The following ARSK variants were observed in gnomAD, a reference collection of about 807,000 sequenced individuals.
The protein encoded by ARSK is arylsulfatase family member K, also known as arylsulfatase K.
A neutral mutation model predicts 53.2 loss-of-function variants in ARSK; 37 were observed. The observed-to-expected ratio is 0.70, with a 90% CI of 0.54 to 0.92. The LOEUF is 0.92. Ranked by LOEUF, ARSK falls within the 40% of genes least tolerant of loss-of-function variation. The probability of loss-of-function intolerance (pLI) is 0.00; values close to 1 mark genes in which losing one functional copy is unlikely to be tolerated. For synonymous variants in ARSK, 208 were observed against 223.2 expected, an observed-to-expected ratio of 0.93 and a Z score of 0.61; for missense variants, 613 against 643.0, an observed-to-expected ratio of 0.95 and a Z score of 0.51.
intron 4 of ARSK, among the ~76,000 whole-genome samples, chr5:95,584,882 T>G (rs1208301978): frequency 6.6e-6 from 1 of 152,050 alleles, no homozygotes; most frequent in African/African-American, 2.4e-5. Context: ...TGGTGGTGTG[T>G]ACCTGTAATC....
chr5:95,570,991 C>T (rs551097684), intron 3 of ARSK, among the ~76,000 whole-genome samples: 2 of 152,308 alleles, frequency 1.3e-5, no homozygotes, highest in African/African-American at 4.8e-5. Flanking sequence ...CCATGTTGGT[C>T]AGGCTGTTCT....
In ARSK at chr5:95,599,278, G is replaced by C. The variant is rs138181588; in HGVS notation, c.1097-1569G>C. 8.5e-5 allele frequency among the ~76,000 whole-genome samples: 13 copies of C among 152,312 alleles called. 1 individual carries two copies. Among genetic ancestry groups the C allele is most frequent in the African/African-American group, 2.9e-4 (12 of 41,570 alleles). On this transcript the variant is annotated intron_variant, in intron 6 of 7. Coordinates refer to ENST00000380009, the MANE Select transcript of ARSK (RefSeq NM_198150.3). ...AAGCTTCCTTAGGAAAATTAAGAAT[G>C]GTTCTAAAATAAGGCATTTCTAAGT...
intron 4 of ARSK, among the ~76,000 whole-genome samples, chr5:95,585,796 CA>C (rs1191184495): frequency 1.3e-5 from 2 of 151,992 alleles, no homozygotes; most frequent in Non-Finnish European, 2.9e-5. Flanking sequence ...GCCTGTTCCC[CA>C]AAAACCTGTG....
At chr5:95,560,151 A>T (rs1369375129) in intron 1 of ARSK, among the ~76,000 whole-genome samples, 2 of 152,212 alleles carry the variant, frequency 1.3e-5, no homozygotes, top group Non-Finnish European at 2.9e-5. Flanking sequence ...TACTCCGAAA[A>T]CTACAAAACA....
At chr5:95,565,434 T>C (rs1267301478) in intron 1 of ARSK, among the ~76,000 whole-genome samples, 1 of 152,220 alleles carries the variant, frequency 6.6e-6, no homozygotes, top group African/African-American at 2.4e-5. Context: ...TCTCAAACTT[T>C]GTATGTCCTT....
At chr5:95,556,126 T>A (rs537288583) in intron 1 of ARSK, 8 of 693,424 alleles carry the variant, frequency 1.2e-5, no homozygotes, top group Non-Finnish European at 1.6e-5. Flanking sequence ...TCGGTGTTAC[T>A]GTGGTCACAC....
chr5:95,578,969 G>GT (rs1748975465), intron 3 of ARSK, among the ~76,000 whole-genome samples: 1 of 152,168 alleles, frequency 6.6e-6, no homozygotes, highest in South Asian at 2.1e-4. Flanking sequence ...TTAGTGAGGA[G>GT]TTTTTTGTTG....
chr5:95,596,557 T>A (rs192835542), intron 6 of ARSK, among the ~76,000 whole-genome samples: 42 of 152,194 alleles, frequency 2.8e-4, no homozygotes, highest in Middle Eastern at 3.4e-3. Flanking sequence ...GAAATTAAAA[T>A]CCTGAAATGT....
intron 4 of ARSK, among the ~76,000 whole-genome samples, chr5:95,585,572 A>G (rs1749098856): frequency 1.3e-5 from 2 of 152,214 alleles, no homozygotes; most frequent in African/African-American, 4.8e-5. Context: ...ATGGAAAACC[A>G]AACATCATAT....
rs145233404 is a variant in ARSK at position 95,603,385 on chromosome 5, G to T, written c.1470G>T (p.Lys490Asn). The change falls in exon 8 of 8, where the codon AAG (lysine) becomes AAT (asparagine). Residue 490 changes from lysine (K) to asparagine (N), a missense_variant. Lys to Asn is a moderately conservative substitution (Grantham distance 94, BLOSUM62 0). Coordinates refer to ENST00000380009, the MANE Select transcript of ARSK (RefSeq NM_198150.3). Reference protein sequence around the residue: ...VHQYNKEQFIKWKQSIGQNYS... With the variant: ...VHQYNKEQFINWKQSIGQNYS... ...AGTATAATAAAGAGCAGTTTATCAA[G>T]TGGAAACAAAGTATAGGACAGAATT... 5.3e-5 allele frequency: 86 copies of T among 1,613,670 alleles called. No individual in the cohort carries two copies. The African/African-American group carries it at 9.2e-4, about 17-fold the overall frequency.
intron 3 of ARSK, among the ~76,000 whole-genome samples, chr5:95,574,987 T>G (rs773499885): frequency 5.9e-5 from 9 of 152,208 alleles, no homozygotes; most frequent in Non-Finnish European, 1.2e-4. Context: ...GGTCTCAGAT[T>G]TAAGTCTTTA....
At chr5:95,583,928 T>C (rs1210582041) in intron 4 of ARSK, among the ~76,000 whole-genome samples, 1 of 152,216 alleles carries the variant, frequency 6.6e-6, no homozygotes, top group Non-Finnish European at 1.5e-5. Flanking sequence ...CTGTGGGACA[T>C]CTTTATCCTT....
At chr5:95,590,708 C>G (rs1749197826) in intron 5 of ARSK, among the ~76,000 whole-genome samples, 1 of 152,186 alleles carries the variant, frequency 6.6e-6, no homozygotes, top group Non-Finnish European at 1.5e-5. Context: ...TGACCCTTCT[C>G]TCTGGCCTGT....
At chr5:95,599,060 T>C (rs1239943746) in intron 6 of ARSK, among the ~76,000 whole-genome samples, 1 of 152,212 alleles carries the variant, frequency 6.6e-6, no homozygotes, top group Non-Finnish European at 1.5e-5. Flanking sequence ...CTGACACAGC[T>C]GTTTCTGTCT....
intron 5 of ARSK, among the ~76,000 whole-genome samples, chr5:95,587,541 T>C (rs1456417178): frequency 6.6e-6 from 1 of 151,710 alleles, no homozygotes; most frequent in Non-Finnish European, 1.5e-5. Context: ...TGGGTAAAAA[T>C]AGAAAAGTAT....
At chr5:95,577,983 G>A (rs575236810) in intron 3 of ARSK, among the ~76,000 whole-genome samples, 45 of 152,224 alleles carry the variant, frequency 3.0e-4, no homozygotes, top group African/African-American at 8.4e-4. Flanking sequence ...TATTTTGAGC[G>A]TTTAAATAAC....
rs1366940515 is a variant in ARSK, at chr5:95,604,580, T to C, written c.*1054T>C. 6.6e-6 allele frequency: 1 copy of C among 152,026 alleles called. No homozygotes were observed. Among genetic ancestry groups the C allele is most frequent in the Non-Finnish European group, 1.5e-5 (1 of 68,024 alleles). The allele number at this position is 152,026 out of a possible 1,614,324, so 9.4% of individuals were successfully genotyped here. A position where few individuals can be genotyped will look rare whatever the true frequency, so the allele number is the denominator to read the frequency against. ...TAACAGTAGATATCTAGAGGTGAAA[T>C]TACTGAGTCAAGACTATATTTAGCA... On this transcript the variant is annotated 3_prime_UTR_variant, in exon 8 of 8. Transcript: ENST00000380009.
chr5:95,577,520 G>T (rs1748945520), intron 3 of ARSK, among the ~76,000 whole-genome samples: 1 of 152,218 alleles, frequency 6.6e-6, no homozygotes, highest in South Asian at 2.1e-4. Context: ...TGTCTTGCAT[G>T]TAGCACATAT....
At chr5:95,564,649 A>G (rs1164920937) in intron 1 of ARSK, among the ~76,000 whole-genome samples, 5 of 152,058 alleles carry the variant, frequency 3.3e-5, no homozygotes, top group African/African-American at 4.8e-5. Context: ...CATACTGCCA[A>G]TTCCAATGTG....
Sources: allele counts gnomAD v4.1 joint callset (sites outside exome capture counted in the v4.1 genomes callset), GRCh38; gene constraint gnomAD v4.1.1; transcripts MANE v1.5; gene names NCBI Gene and HGNC (gene_info 2026-07-23, HGNC 2026-07-21).